Variants in PROM2 observed in about 807,000 individuals in gnomAD.
The protein encoded by PROM2 is prominin 2.
In PROM2, 90 loss-of-function variants were observed where a neutral mutation model predicts 110.2. The ratio of observed to expected loss-of-function variants is 0.82; its 90% CI spans 0.69 to 0.97. The LOEUF is 0.97. Ranked by LOEUF, PROM2 falls within the 50% of genes least tolerant of loss-of-function variation. The pLI, the probability that PROM2 is intolerant of heterozygous loss-of-function variation, is 0.00. For synonymous variants in PROM2, 470 were observed against 467.8 expected (o/e 1.00, Z -0.06); for missense variants, 1,009 against 1,074.8 (o/e 0.94, Z 0.86).
chr2:95,277,739 T>A (rs1437603018), intron 7 of PROM2, 173 bp downstream of exon 7: 1 of 773,136 alleles, frequency 1.3e-6, no homozygotes, highest in Non-Finnish European at 2.1e-6. Context: ...GGCCACGCCC[T>A]GTACGTGAAC....
At position 95,281,409 on chromosome 2, in the gene PROM2, G is replaced by T. The variant is rs771232641; in HGVS notation, c.1551+44G>T. The T allele has an allele frequency of 1.9e-6, 3 of 1,592,136 alleles. No individual in the cohort carries two copies. The East Asian group carries it at 6.8e-5, about 36-fold the overall frequency. On this transcript the variant is annotated intron_variant, in intron 12 of 23. Transcript: ENST00000317620. The stretch of plus-strand genomic sequence containing the variant: ...ACAGGCCCTCCTGGGGAGAGAGGTG[G>T]GGGGCGGTATCAGCAGAGCAGGAGG...
chr2:95,285,609 TC>T, intron 15 of PROM2, 29 bp from the exon 16 acceptor site: 1 of 1,561,310 alleles, frequency 6.4e-7, no homozygotes, highest in Non-Finnish European at 8.7e-7. Context: ...GCTGGGTTCA[TC>T]CCTCCTGGCC....
intron 15 of PROM2, 57 bp downstream of exon 15, chr2:95,285,172 G>A: frequency 6.8e-7 from 1 of 1,468,982 alleles, no homozygotes; most frequent in Non-Finnish European, 9.1e-7. Context: ...GAACGAAGGG[G>A]CCCACAGAGG....
chr2:95,277,676 C>T, intron 7 of PROM2, 110 bp downstream of exon 7: 1 of 1,150,238 alleles, frequency 8.7e-7, no homozygotes, highest in Non-Finnish European at 1.2e-6. Flanking sequence ...TCCCTTGCTC[C>T]ACCCACCCAG....
chr2:95,284,673 C>T (rs894630654), intron 14 of PROM2, among the ~76,000 whole-genome samples: 5 of 152,292 alleles, frequency 3.3e-5, no homozygotes, highest in Admixed American at 1.3e-4. Context: ...AGAGAGGGAA[C>T]GAGAGAGCCA....
chr2:95,275,832 G>A lies in PROM2; in HGVS notation c.295-98G>A, dbSNP rs1207490248. The stretch of plus-strand genomic sequence containing the variant: ...ATGAGATGCAGGCCATGCCCCTGAC[G>A]GCACTCCCGCCCCTTCTGGTTTCCC... On this transcript the variant is annotated intron_variant, in intron 2 of 23. Coordinates refer to ENST00000317620, the MANE Select transcript of PROM2 (RefSeq NM_001165978.3). The surrounding 1 kb of genome is among the most constrained non-coding windows in gnomAD (Gnocchi z 4.4). 13 of 1,528,246 alleles carry A rather than the reference G, an allele frequency of 8.5e-6. No homozygotes were observed. Among genetic ancestry groups the A allele is most frequent in the Non-Finnish European group, 1.1e-5 (13 of 1,141,178 alleles). 94.7% of individuals were successfully genotyped at this position (1,528,246 alleles called of 1,614,324 possible).
rs1488145252 is a variant in PROM2 at position 95,290,125 on chromosome 2, T to C, written c.*912T>C. The stretch of plus-strand genomic sequence containing the variant: ...GCATCTTCCACAGCCCCCACCCAAC[T>C]TTCTTAGGAGTGATCTGGTGGCCAG... On this transcript the variant is annotated 3_prime_UTR_variant, in exon 24 of 24. Coordinates refer to ENST00000317620, the MANE Select transcript of PROM2 (RefSeq NM_001165978.3). 6.6e-6 allele frequency: 1 copy of C among 152,314 alleles called. No individual in the cohort carries two copies. The highest frequency in any genetic ancestry group is 6.5e-5 in the Admixed American group (1 of 15,280). The allele number at this position is 152,314 out of a possible 1,614,324, so 9.4% of individuals were successfully genotyped here.
At chr2:95,284,841 C>T in intron 14 of PROM2, 128 bp from the exon 15 acceptor site, 1 of 1,107,508 alleles carries the variant, frequency 9.0e-7, no homozygotes, top group East Asian at 2.7e-5. Flanking sequence ...GATCACATTG[C>T]AACATGAAAT....
Position 95,287,340 on chromosome 2 carries a change from G to C in PROM2, c.2176-56G>C, listed in dbSNP as rs1236807279. The stretch of plus-strand genomic sequence containing the variant: ...CCAGGCATGGGGGGTGGCGTGGGTG[G>C]GGGGCACTGCTGCTTCTGGGACCCC... On this transcript the variant is annotated intron_variant, in intron 19 of 23. Transcript: ENST00000317620. 2.6e-5 allele frequency: 41 copies of C among 1,599,422 alleles called. No individual in the cohort carries two copies. The East Asian group carries it at 8.3e-4, about 32-fold the overall frequency.
At chr2:95,285,528 C>A in intron 15 of PROM2, 111 bp from the exon 16 acceptor site, 1 of 799,144 alleles carries the variant, frequency 1.3e-6, no homozygotes. Context: ...ATACACTTAG[C>A]TGGTGTAGGT....
chr2:95,278,849 G>A, intron 9 of PROM2, 65 bp downstream of exon 9: 1 of 1,610,556 alleles, frequency 6.2e-7, no homozygotes, highest in Non-Finnish European at 8.5e-7. Context: ...TACCAGGGAG[G>A]CTTGTTGAGA....
At chr2:95,282,314 G>C in intron 14 of PROM2, 88 bp downstream of exon 14, 1 of 1,081,684 alleles carries the variant, frequency 9.2e-7, no homozygotes, top group Non-Finnish European at 1.4e-6. Flanking sequence ...CCGTCTCTTT[G>C]AACCTAGGAG....
In PROM2 at chr2:95,279,828, T is replaced by G; in HGVS notation, c.1275-17T>G. The G allele has an allele frequency of 7.0e-7, 1 of 1,434,528 alleles. No individual in the cohort carries two copies. The highest frequency in any genetic ancestry group is 9.2e-7 in the Non-Finnish European group (1 of 1,084,268). 88.9% of individuals were successfully genotyped at this position (1,434,528 alleles called of 1,614,324 possible). On this transcript the variant is annotated splice_polypyrimidine_tract_variant and intron_variant, in intron 10 of 23. Transcript: ENST00000317620. ...CCACCTCCTTTCTTAGTGACACCCA[T>G]GTCCTCTCTGTGGCAGGTGGATCGT...
Position 95,279,924 on chromosome 2 carries a change from T to C in PROM2, c.1354T>C (p.Trp452Arg), listed in dbSNP as rs780624889. 3 of 1,555,568 alleles carry C rather than the reference T, an allele frequency of 1.9e-6. No homozygotes were observed. Among genetic ancestry groups the C allele is most frequent in the East Asian group, 4.9e-5 (2 of 40,556 alleles). ...CCTGCTGGGCCTCAATCTGGGCATC[T>C]GGGGCCTGTCTGCCAGGGACGACCC... ...CNLLGLNLGI[W>R]GLSARDDPSH... Residue 452 changes from tryptophan (W) to arginine (R), a missense_variant, in exon 11 of 24, where the codon TGG (tryptophan) becomes CGG (arginine). Trp to Arg is a moderately radical substitution (Grantham distance 101, BLOSUM62 -3). Transcript: ENST00000317620.
At position 95,276,956 on chromosome 2, in the gene PROM2, G is replaced by A; in HGVS notation, c.683-16G>A. 6.5e-7 allele frequency: 1 copy of A among 1,550,120 alleles called. No homozygotes were observed. Among genetic ancestry groups the A allele is most frequent in the Non-Finnish European group, 8.7e-7 (1 of 1,145,796 alleles). On this transcript the variant is annotated splice_polypyrimidine_tract_variant and intron_variant, in intron 5 of 23. Coordinates refer to ENST00000317620, the MANE Select transcript of PROM2 (RefSeq NM_001165978.3). This position sits in a 1 kb window ranked among gnomAD's most constrained non-coding sequence, Gnocchi z 4.6. ...CTCTTGGGGTCCCACCCTGCAGACT[G>A]CCCTGTGCTCTGCAGGTGTTGGTGT...
chr2:95,286,622 A>G (rs769292449), intron 17 of PROM2, 51 bp downstream of exon 17: 1 of 1,515,298 alleles, frequency 6.6e-7, no homozygotes, highest in Admixed American at 1.7e-5. Context: ...GGAGACGTGG[A>G]GAGGGGACAG....
chr2:95,282,610 C>T (rs1045629410), intron 14 of PROM2, among the ~76,000 whole-genome samples: 4 of 152,098 alleles, frequency 2.6e-5, no homozygotes, highest in African/African-American at 4.8e-5. Context: ...GTCTGGCTAA[C>T]GTTGGTGGAG....
At position 95,277,387 on chromosome 2, in the gene PROM2, C is replaced by G. The variant is rs1676734750; in HGVS notation, c.796C>G (p.Leu266Val). 6.2e-7 allele frequency: 1 copy of G among 1,612,826 alleles called. No individual in the cohort carries two copies. The highest frequency in any genetic ancestry group is 1.3e-5 in the African/African-American group (1 of 74,904). Residue 266 changes from leucine to valine, a missense_variant, in exon 7 of 24, where the codon CTG becomes GTG. Leu to Val is a conservative substitution (Grantham distance 32). Coordinates refer to ENST00000317620, the MANE Select transcript of PROM2 (RefSeq NM_001165978.3). ...AGTCCTGCAGGTCTCCGTGCACCAC[C>G]TGCAAACCTTGAATGCTACAGTGGT... ...GQVLQVSVHH[L>V]QTLNATVVEL...
chr2:95,278,005 G>A lies in PROM2; in HGVS notation c.1050+1G>A. ...CAACTTCTCCAGCATGGTCCAGGAG[G>A]TGAGAGCCACCTGGTCTGCCTGATT... is the stretch of plus-strand genomic sequence containing the variant. On this transcript the variant is annotated splice_donor_variant, in intron 8 of 23. Transcript: ENST00000317620. LOFTEE classifies it high-confidence loss of function. The A allele has an allele frequency of 1.9e-6, 3 of 1,608,954 alleles. No homozygotes were observed. The highest frequency in any genetic ancestry group is 2.5e-6 in the Non-Finnish European group (3 of 1,178,112).
Sources: allele counts gnomAD v4.1 joint callset (sites outside exome capture counted in the v4.1 genomes callset), GRCh38; gene constraint gnomAD v4.1.1; non-coding constraint Gnocchi (gnomAD v3.1); transcripts MANE v1.5; gene names NCBI Gene and HGNC (gene_info 2026-07-23, HGNC 2026-07-21).